NELL1: variants seen among roughly 807,000 people sequenced by gnomAD.
The protein encoded by NELL1 is protein kinase C-binding protein NELL1.
In NELL1, 76 loss-of-function variants were observed where a neutral mutation model predicts 107.4. The ratio of observed to expected loss-of-function variants is 0.71; its 90% CI spans 0.59 to 0.86. NELL1 has a LOEUF of 0.86. Among genes scored for constraint, NELL1 ranks in the 40% least tolerant of loss-of-function variants. NELL1 has a pLI of 0.00. For missense variants in NELL1, 1,024 were observed against 1,005.5 expected, an observed-to-expected ratio of 1.02 and a Z score of -0.25; for synonymous variants, 353 against 341.2, an observed-to-expected ratio of 1.03 and a Z score of -0.38.
At chr11:20,863,180 G>A (rs1849013474) in intron 4 of NELL1, among the ~76,000 whole-genome samples, 1 of 139,200 alleles carries the variant, frequency 7.2e-6, no homozygotes, top group African/African-American at 3.3e-5. Flanking sequence ...GGGTGGCCGG[G>A]CAGAGGCGCC....
intron 15 of NELL1, among the ~76,000 whole-genome samples, chr11:21,416,150 C>A (rs148434079): frequency 1.9e-3 from 288 of 152,158 alleles, no homozygotes; most frequent in African/African-American, 6.3e-3. Flanking sequence ...TGATTCTGTG[C>A]TGAGAGCAAA....
intron 11 of NELL1, among the ~76,000 whole-genome samples, chr11:20,956,441 T>C (rs773347664): frequency 2.6e-5 from 4 of 151,902 alleles, no homozygotes; most frequent in Non-Finnish European, 5.9e-5. Flanking sequence ...GGTCAGGAGA[T>C]TGAGACTGTC....
intron 12 of NELL1, among the ~76,000 whole-genome samples, chr11:20,973,566 C>T (rs1482879650): frequency 1.3e-5 from 2 of 152,134 alleles, no homozygotes; most frequent in Non-Finnish European, 2.9e-5. Context: ...AATGTGATTC[C>T]ATGGATAAAC....
intron 13 of NELL1, among the ~76,000 whole-genome samples, chr11:21,123,078 A>G (rs1292644565): frequency 6.6e-6 from 1 of 152,166 alleles, no homozygotes; most frequent in East Asian, 1.9e-4. Context: ...GTCAGAAGGG[A>G]AAAGAGATTT....
At chr11:20,926,570 G>C (rs1192590002) in intron 7 of NELL1, among the ~76,000 whole-genome samples, 2 of 152,208 alleles carry the variant, frequency 1.3e-5, no homozygotes, top group African/African-American at 4.8e-5. Context: ...ACAAAGGCTA[G>C]ATAATCACTT....
chr11:20,956,339 A>G (rs1228203265), intron 11 of NELL1, among the ~76,000 whole-genome samples: 1 of 152,090 alleles, frequency 6.6e-6, no homozygotes, highest in Non-Finnish European at 1.5e-5. Flanking sequence ...GCCCTGAGGA[A>G]CACAGTTTAA....
At chr11:21,312,111 AT>A (rs1380634510) in intron 14 of NELL1, among the ~76,000 whole-genome samples, 1 of 152,126 alleles carries the variant, frequency 6.6e-6, no homozygotes, top group Non-Finnish European at 1.5e-5. Flanking sequence ...AGAGAATTCA[AT>A]TTTTATTGTT....
In NELL1 at chr11:20,783,753, A is replaced by C; in HGVS notation, c.258A>C (p.Glu86Asp). The part of the protein sequence containing the change: ...KLIQLFRNKS[E>D]FTILATVQQK... Reference sequence around the variant, plus strand: ...TTCAGCTGTTCCGGAACAAGAGTGAATTCACCATTTTGGCCACTGTACAGC... The same window carrying C: ...TTCAGCTGTTCCGGAACAAGAGTGACTTCACCATTTTGGCCACTGTACAGC... The change falls in exon 3 of 20, where the codon GAA (glutamate) becomes GAC (aspartate). Residue 86 changes from glutamate (E) to aspartate (D), a missense_variant. By Grantham distance (45) the Glu-to-Asp change is conservative. Coordinates refer to ENST00000357134, the MANE Select transcript of NELL1 (RefSeq NM_006157.5). 6.2e-7 allele frequency: 1 copy of C among 1,614,008 alleles called. No homozygotes were observed. Among genetic ancestry groups the C allele is most frequent in the Non-Finnish European group, 8.5e-7 (1 of 1,179,932 alleles).
intron 16 of NELL1, among the ~76,000 whole-genome samples, chr11:21,546,570 C>T (rs1029952451): frequency 2.0e-5 from 3 of 151,912 alleles, no homozygotes; most frequent in East Asian, 3.9e-4. Flanking sequence ...CAAGATCTGA[C>T]GGTTTTATAA....
intron 15 of NELL1, among the ~76,000 whole-genome samples, chr11:21,498,607 CAATT>C (rs985382105): frequency 1.2e-4 from 18 of 151,766 alleles, no homozygotes; most frequent in South Asian, 2.1e-4. Flanking sequence ...AATAATGTCT[CAATT>C]AATATTCTTA....
chr11:20,791,888 T>C (rs1199092730), intron 3 of NELL1, among the ~76,000 whole-genome samples: 1 of 152,122 alleles, frequency 6.6e-6, no homozygotes, highest in Non-Finnish European at 1.5e-5. Context: ...TTTAATCTTT[T>C]ATTCTGTTGA....
chr11:21,431,653 C>A (rs568487421), intron 15 of NELL1, among the ~76,000 whole-genome samples: 1 of 152,156 alleles, frequency 6.6e-6, no homozygotes, highest in Non-Finnish European at 1.5e-5. Context: ...CCATTCAGAT[C>A]TGCTGCAGTT....
At chr11:20,728,566 C>T (rs1168280370) in intron 2 of NELL1, among the ~76,000 whole-genome samples, 1 of 150,428 alleles carries the variant, frequency 6.6e-6, no homozygotes, top group African/African-American at 2.4e-5. Flanking sequence ...AATAGGAAAT[C>T]CTTTCTTCAT....
chr11:20,885,340 C>T (rs1590379537), intron 4 of NELL1, 104 bp from the exon 5 acceptor site: 26 of 731,584 alleles, frequency 3.6e-5, no homozygotes, highest in African/African-American at 1.7e-5. Flanking sequence ...ATATTGGCTT[C>T]TCTTCATACA....
At chr11:21,379,072 G>A (rs1188988624) in intron 15 of NELL1, among the ~76,000 whole-genome samples, 1 of 151,946 alleles carries the variant, frequency 6.6e-6, no homozygotes, top group Non-Finnish European at 1.5e-5. Context: ...AGTTTTTTTG[G>A]TAGGAAATTG....
intron 14 of NELL1, among the ~76,000 whole-genome samples, chr11:21,277,824 T>C (rs1848902701): frequency 6.6e-6 from 1 of 152,130 alleles, no homozygotes; most frequent in Admixed American, 6.5e-5. Context: ...CTGCGTGTTC[T>C]CAGTCATAGG....
At chr11:20,986,186 G>A (rs1284654422) in intron 12 of NELL1, among the ~76,000 whole-genome samples, 2 of 152,034 alleles carry the variant, frequency 1.3e-5, no homozygotes, top group African/African-American at 4.8e-5. Context: ...TACAAGCCAG[G>A]GAGCCTTCAG....
intron 14 of NELL1, among the ~76,000 whole-genome samples, chr11:21,359,540 C>A (rs1026822034): frequency 6.6e-5 from 10 of 152,008 alleles, no homozygotes; most frequent in Admixed American, 4.6e-4. Flanking sequence ...GGAGGATTCC[C>A]TCTTTGTCTT....
intron 2 of NELL1, among the ~76,000 whole-genome samples, chr11:20,716,386 G>A (rs1855251211): frequency 6.6e-6 from 1 of 152,196 alleles, no homozygotes; most frequent in African/African-American, 2.4e-5. Flanking sequence ...CAACAACCCT[G>A]TAGCTGTCTC....
Sources: gnomAD v4.1 joint callset for allele counts (sites outside exome capture counted in the v4.1 genomes callset) on GRCh38, gnomAD v4.1.1 for gene constraint, MANE v1.5 for transcripts, NCBI Gene and HGNC (gene_info 2026-07-23, HGNC 2026-07-21) for gene names.